Variants in JAK1 observed in about 807,000 individuals in gnomAD.
JAK1 encodes tyrosine-protein kinase JAK1.
In JAK1, 16 loss-of-function variants were observed where a neutral mutation model predicts 136.6. The observed-to-expected ratio is 0.12, with a 90% CI of 0.08 to 0.18. The LOEUF is 0.18. Ranked by LOEUF, JAK1 falls within the 10% of genes least tolerant of loss-of-function variation. JAK1 has a pLI of 1.00. For missense variants in JAK1, 859 were observed against 1,450.1 expected (o/e 0.59, Z 6.62); for synonymous variants, 492 against 519.5 (o/e 0.95, Z 0.72).
At chr1:64,864,134 C>G (rs1228386706) in intron 8 of JAK1, among the ~76,000 whole-genome samples, 1 of 152,214 alleles carries the variant, frequency 6.6e-6, no homozygotes, top group Non-Finnish European at 1.5e-5. Context: ...CAGAATGTGG[C>G]CTTTCCTGGT....
chr1:64,855,630 C>T lies in JAK1; in HGVS notation c.1527G>A (p.Leu509=), dbSNP rs771903806. 4.3e-6 allele frequency: 7 copies of T among 1,614,008 alleles called. No homozygotes were observed. In the Admixed American group the frequency reaches 5.0e-5, roughly 12 times the overall value. ...QIEVQKGRYS[L]HGSDRSFPSL... The stretch of plus-strand genomic sequence containing the variant: ...TGGGGAAGCTGCGGTCCGAACCGTG[C>T]AGACTGTAGCGGCCCTTCTGCACCT... The change falls in exon 11 of 25, where the codon CTG becomes CTA. Residue 509 remains leucine (L), a synonymous_variant. Coordinates refer to ENST00000342505, the MANE Select transcript of JAK1 (RefSeq NM_002227.4).
At chr1:64,848,563 G>A (rs1655390543) in intron 12 of JAK1, among the ~76,000 whole-genome samples, 1 of 152,158 alleles carries the variant, frequency 6.6e-6, no homozygotes, top group Non-Finnish European at 1.5e-5. Context: ...AGGACTGAAT[G>A]AGATGATCCG....
At chr1:64,946,681 A>G (rs1645993310) in intron 1 of JAK1, among the ~76,000 whole-genome samples, 1 of 152,224 alleles carries the variant, frequency 6.6e-6, no homozygotes, top group Admixed American at 6.5e-5. Context: ...AAAGATGAAC[A>G]TAGTTTCAAA....
intron 1 of JAK1, among the ~76,000 whole-genome samples, chr1:64,922,963 A>T (rs927219041): frequency 6.6e-6 from 1 of 152,210 alleles, no homozygotes; most frequent in Non-Finnish European, 1.5e-5. Context: ...CCACAGTGGA[A>T]ATCATACGTT....
intron 2 of JAK1, among the ~76,000 whole-genome samples, chr1:65,040,863 T>A (rs998824405): frequency 9.9e-5 from 15 of 152,052 alleles, no homozygotes; most frequent in African/African-American, 3.6e-4. Flanking sequence ...AGAAAAATCA[T>A]GAAACACAAG....
At chr1:64,841,198 G>T in intron 19 of JAK1, 47 bp downstream of exon 19, 1 of 1,321,452 alleles carries the variant, frequency 7.6e-7, no homozygotes, top group Non-Finnish European at 1.1e-6. Context: ...CGCTGTGGAT[G>T]GCGGAGGGCT....
chr1:65,044,355 C>T (rs1647164497), intron 2 of JAK1, among the ~76,000 whole-genome samples: 1 of 152,100 alleles, frequency 6.6e-6, no homozygotes, highest in East Asian at 1.9e-4. Context: ...TTTCAGTGAG[C>T]CCATCACAGG....
chr1:64,842,693 G>A (rs1213218975), intron 17 of JAK1, among the ~76,000 whole-genome samples: 1 of 152,126 alleles, frequency 6.6e-6, no homozygotes, highest in African/African-American at 2.4e-5. Flanking sequence ...CGCAGCACGT[G>A]CTCAATAAAT....
At chr1:64,860,044 C>T in intron 9 of JAK1, 61 bp downstream of exon 9, 1 of 1,327,396 alleles carries the variant, frequency 7.5e-7, no homozygotes, top group Non-Finnish European at 1.0e-6. Context: ...ATGACATGCC[C>T]CATCACTAAA....
Position 64,924,351 on chromosome 1 carries a change from A to C in JAK1, c.-77-38010T>G, listed in dbSNP as rs376621081. 8.5e-5 allele frequency among the ~76,000 whole-genome samples: 13 copies of C among 152,340 alleles called. 1 individual carries two copies. On this transcript the variant is annotated intron_variant, in intron 1 of 24. Coordinates refer to ENST00000342505, the MANE Select transcript of JAK1 (RefSeq NM_002227.4). ...AATTATGAACAGGCTTTTTCCCTGC[A>C]AGAATGTCTGGGGAGACATTTGAAA...
At chr1:64,955,358 C>T (rs1256764696) in intron 1 of JAK1, among the ~76,000 whole-genome samples, 1 of 152,036 alleles carries the variant, frequency 6.6e-6, no homozygotes, top group Non-Finnish European at 1.5e-5. Flanking sequence ...TAGGGAGGGG[C>T]AGAGGAAGAG....
Position 64,844,690 on chromosome 1 carries a change from C to T in JAK1, c.2251+64G>A, listed in dbSNP as rs572939513. 2.7e-4 allele frequency: 436 copies of T among 1,600,348 alleles called. 1 individual carries two copies. The African/African-American group carries it at 5.4e-3, about 20-fold the overall frequency. The stretch of plus-strand genomic sequence containing the variant: ...AAAAGGAGACCAACCCCAGCCCAGC[C>T]CTTCTCTCTGCTGACTTGCCCCTGA... On this transcript the variant is annotated intron_variant, in intron 16 of 24. Coordinates refer to ENST00000342505, the MANE Select transcript of JAK1 (RefSeq NM_002227.4). This position sits in a 1 kb window ranked among gnomAD's most constrained non-coding sequence, Gnocchi z 5.7.
At chr1:65,021,414 C>G (rs1279697979) in intron 2 of JAK1, among the ~76,000 whole-genome samples, 1 of 152,204 alleles carries the variant, frequency 6.6e-6, no homozygotes, top group African/African-American at 2.4e-5. Context: ...ATCGGCACTT[C>G]AGCAGGATGT....
intron 2 of JAK1, chr1:64,995,127 G>T (rs1646693202): frequency 6.6e-6 from 1 of 152,064 alleles, no homozygotes; most frequent in Admixed American, 6.6e-5. Context: ...AAACCTGTTG[G>T]CTGCTAATCA....
intron 1 of JAK1, among the ~76,000 whole-genome samples, chr1:64,929,248 C>T (rs1183305788): frequency 6.6e-6 from 1 of 152,142 alleles, no homozygotes. Context: ...AAAAGAGTGA[C>T]CATACATTAT....
intron 8 of JAK1, among the ~76,000 whole-genome samples, chr1:64,860,700 AC>A (rs1368693245): frequency 1.3e-5 from 2 of 151,912 alleles, no homozygotes; most frequent in Non-Finnish European, 2.9e-5. Context: ...GTGATCTCCC[AC>A]CTTGGCCTCC....
intron 1 of JAK1, among the ~76,000 whole-genome samples, chr1:64,942,909 T>C (rs1185327685): frequency 6.6e-6 from 1 of 152,244 alleles, no homozygotes; most frequent in East Asian, 1.9e-4. Flanking sequence ...AAAGGCCAAA[T>C]GAATTGCGTC....
chr1:64,851,642 C>T (rs368027716), intron 11 of JAK1, among the ~76,000 whole-genome samples: 2 of 152,178 alleles, frequency 1.3e-5, no homozygotes, highest in African/African-American at 2.4e-5. Flanking sequence ...ACAAAATCCT[C>T]GAGGCCAGGA....
chr1:65,010,833 C>T (rs1415971529), intron 2 of JAK1, among the ~76,000 whole-genome samples: 1 of 152,012 alleles, frequency 6.6e-6, no homozygotes, highest in Non-Finnish European at 1.5e-5. Flanking sequence ...AACTAGCCAG[C>T]CGTGGTGGCA....
Sources: gnomAD v4.1 joint callset for allele counts (sites outside exome capture counted in the v4.1 genomes callset) on GRCh38, gnomAD v4.1.1 for gene constraint, Gnocchi (gnomAD v3.1) non-coding constraint, MANE v1.5 for transcripts, NCBI Gene and HGNC (gene_info 2026-07-23, HGNC 2026-07-21) for gene names.